Variants in PCSK2 observed in about 807,000 individuals in gnomAD.
PCSK2 encodes neuroendocrine convertase 2.
Under a neutral mutation model 69.7 loss-of-function variants are expected in PCSK2, and 14 were observed. The ratio of observed to expected loss-of-function variants is 0.20; its 90% CI spans 0.13 to 0.31. PCSK2 has a LOEUF of 0.31. Among genes scored for constraint, PCSK2 ranks in the 10% least tolerant of loss-of-function variants. The pLI is 1.00. For synonymous variants in PCSK2, 307 were observed against 320.7 expected (o/e 0.96, Z 0.46); for missense variants, 544 against 842.5 (o/e 0.65, Z 4.39).
intron 8 of PCSK2, among the ~76,000 whole-genome samples, chr20:17,449,064 G>T (rs1231263304): frequency 6.6e-6 from 1 of 152,072 alleles, no homozygotes; most frequent in Non-Finnish European, 1.5e-5. Flanking sequence ...GGGGGTGAGT[G>T]GGCCTCTCGC....
At chr20:17,377,836 T>C (rs897498017) in intron 5 of PCSK2, among the ~76,000 whole-genome samples, 1 of 152,250 alleles carries the variant, frequency 6.6e-6, no homozygotes, top group Non-Finnish European at 1.5e-5. Flanking sequence ...CATACTTTGC[T>C]TTAAAAATAG....
chr20:17,355,450 CGTT>C (rs942150366), intron 2 of PCSK2, among the ~76,000 whole-genome samples: 1 of 152,112 alleles, frequency 6.6e-6, no homozygotes, highest in Admixed American at 6.5e-5. Flanking sequence ...AAAGGCCTCT[CGTT>C]GTGGAACCAA....
intron 2 of PCSK2, among the ~76,000 whole-genome samples, chr20:17,314,062 AC>A (rs1338282925): frequency 8.6e-5 from 13 of 151,546 alleles, no homozygotes; most frequent in African/African-American, 3.2e-4. Flanking sequence ...CCATGTCCCT[AC>A]CCCCACCCCA....
At chr20:17,381,544 G>A (rs1040148263) in intron 5 of PCSK2, among the ~76,000 whole-genome samples, 7 of 152,034 alleles carry the variant, frequency 4.6e-5, no homozygotes, top group Non-Finnish European at 8.8e-5. Flanking sequence ...AAAAAAATGC[G>A]TTGTTTGATC....
Position 17,347,787 on chromosome 20 carries a change from C to CGAAATAAAGAAAGAAAGAAA in PCSK2, c.283-10536_283-10535insTAAAGAAAGAAAGAAAGAAA, listed in dbSNP as rs1430705853. Among the ~76,000 whole-genome samples, 13 of 48,558 alleles carry CGAAATAAAGAAAGAAAGAAA rather than the reference C, an allele frequency of 2.7e-4. 1 individual carries two copies. Among genetic ancestry groups the CGAAATAAAGAAAGAAAGAAA allele is most frequent in the South Asian group, 2.5e-3 (3 of 1,212 alleles). The allele number at this position is 48,558 out of a possible 152,430, so 31.9% of individuals were successfully genotyped here. A position where few individuals can be genotyped will look rare whatever the true frequency, so the allele number is the denominator to read the frequency against. Reference sequence around the variant, plus strand: ...CTAAAACTGCTGAAAGACACATAGACGAAAGAAAGAAAGAAAGAAAGAAAG... The same window carrying CGAAATAAAGAAAGAAAGAAA: ...CTAAAACTGCTGAAAGACACATAGACGAAATAAAGAAAGAAAGAAAGAAAGAAAGAAAGAAAGAAAGAAAG... On this transcript the variant is annotated intron_variant, in intron 2 of 11. Transcript: ENST00000262545.
chr20:17,297,747 T>C (rs1355148437), intron 2 of PCSK2, among the ~76,000 whole-genome samples: 1 of 152,246 alleles, frequency 6.6e-6, no homozygotes, highest in African/African-American at 2.4e-5. Context: ...TTGAGTCTAC[T>C]TCTTCCAGGA....
intron 2 of PCSK2, among the ~76,000 whole-genome samples, chr20:17,319,813 C>T (rs1488616273): frequency 6.6e-6 from 1 of 152,288 alleles, no homozygotes; most frequent in Non-Finnish European, 1.5e-5. Flanking sequence ...CAAAATGGAT[C>T]TCAGCTATCT....
At chr20:17,245,044 C>A (rs1453064851) in intron 1 of PCSK2, among the ~76,000 whole-genome samples, 2 of 152,112 alleles carry the variant, frequency 1.3e-5, no homozygotes. Flanking sequence ...TCCTTGCTCT[C>A]TAGGCACCCA....
intron 1 of PCSK2, among the ~76,000 whole-genome samples, chr20:17,252,933 C>T (rs1019022110): frequency 1.3e-5 from 2 of 152,160 alleles, no homozygotes; most frequent in Non-Finnish European, 2.9e-5. Flanking sequence ...TATAAATTGG[C>T]TGCAGTTAAA....
At chr20:17,298,572 T>C (rs1310775890) in intron 2 of PCSK2, among the ~76,000 whole-genome samples, 2 of 152,270 alleles carry the variant, frequency 1.3e-5, no homozygotes, top group Non-Finnish European at 2.9e-5. Flanking sequence ...GTGGCTCTTA[T>C]GATAATTGTA....
chr20:17,396,520 T>C (rs1488892053), intron 5 of PCSK2, among the ~76,000 whole-genome samples: 3 of 152,158 alleles, frequency 2.0e-5, no homozygotes, highest in African/African-American at 7.2e-5. Flanking sequence ...AGCCATTGTT[T>C]CCACATCATC....
Position 17,436,846 on chromosome 20 carries a change from A to G in PCSK2, c.848A>G (p.Glu283Gly). The change falls in exon 8 of 12, where the codon GAG becomes GGG. Residue 283 changes from glutamate to glycine, a missense_variant. By Grantham distance (98) the Glu-to-Gly change is moderately conservative (BLOSUM62 -2). Transcript: ENST00000262545. ...DNGKTVDGPRELTLQAMADGV... is the reference protein window; with the variant it reads ...DNGKTVDGPRGLTLQAMADGV... ...GGCAAGACAGTGGATGGGCCCCGGGAGCTCACGCTGCAGGCCATGGCCGAT... is the reference window on the plus strand; with the variant it reads ...GGCAAGACAGTGGATGGGCCCCGGGGGCTCACGCTGCAGGCCATGGCCGAT... 1 of 1,613,528 alleles carries G rather than the reference A, an allele frequency of 6.2e-7. No individual in the cohort carries two copies. Among genetic ancestry groups the G allele is most frequent in the South Asian group, 1.1e-5 (1 of 91,052 alleles).
intron 2 of PCSK2, among the ~76,000 whole-genome samples, chr20:17,330,052 CATAGTATA>C: frequency 6.6e-6 from 1 of 152,212 alleles, no homozygotes; most frequent in South Asian, 2.1e-4. Flanking sequence ...ATTTATGTAA[CATAGTATA>C]TCCAAAATAT....
chr20:17,339,242 G>A (rs989512519), intron 2 of PCSK2, among the ~76,000 whole-genome samples: 3 of 152,210 alleles, frequency 2.0e-5, no homozygotes, highest in African/African-American at 7.2e-5. Flanking sequence ...TTTTTGACCT[G>A]AGCATGTTTT....
chr20:17,237,584 G>C (rs999485702), intron 1 of PCSK2, among the ~76,000 whole-genome samples: 1 of 152,144 alleles, frequency 6.6e-6, no homozygotes, highest in African/African-American at 2.4e-5. Context: ...CTCAGCCACT[G>C]GTTTTAGAGA....
chr20:17,353,432 TC>T (rs1406872357), intron 2 of PCSK2, among the ~76,000 whole-genome samples: 1 of 144,148 alleles, frequency 6.9e-6, no homozygotes. Context: ...GCCACTGCAT[TC>T]CAGCCTGGTG....
In PCSK2 at chr20:17,465,445, T is replaced by C; in HGVS notation, c.1322T>C (p.Leu441Pro). 1 of 1,614,082 alleles carries C rather than the reference T, an allele frequency of 6.2e-7. No homozygotes were observed. Among genetic ancestry groups the C allele is most frequent in the Non-Finnish European group, 8.5e-7 (1 of 1,179,970 alleles). ...GGGGTCGGCCTGGAATTTAATCACC[T>C]CTTTGGCTACGGGGTCCTTGATGCA... ...RNGVGLEFNHLFGYGVLDAGA... is the reference protein window; with the variant it reads ...RNGVGLEFNHPFGYGVLDAGA... Residue 441 changes from leucine (L) to proline (P), a missense_variant, in exon 11 of 12, where the codon CTC (leucine) becomes CCC (proline). Leu to Pro is a moderately conservative substitution (Grantham distance 98). Transcript: ENST00000262545.
At chr20:17,398,048 G>A (rs2031552624) in intron 5 of PCSK2, among the ~76,000 whole-genome samples, 2 of 152,158 alleles carry the variant, frequency 1.3e-5, no homozygotes, top group South Asian at 2.1e-4. Flanking sequence ...ATTGGGAAAG[G>A]CAATGTCTGA....
At chr20:17,359,835 G>A (rs1600520312) in intron 3 of PCSK2, among the ~76,000 whole-genome samples, 1 of 152,156 alleles carries the variant, frequency 6.6e-6, no homozygotes, top group African/African-American at 2.4e-5. Flanking sequence ...AACCTACACA[G>A]TACAAAGACA....
Sources: gnomAD v4.1 joint callset for allele counts (sites outside exome capture counted in the v4.1 genomes callset) on GRCh38, gnomAD v4.1.1 for gene constraint, MANE v1.5 for transcripts, NCBI Gene and HGNC (gene_info 2026-07-23, HGNC 2026-07-21) for gene names.